CCDC73: variants seen among roughly 807,000 people sequenced by gnomAD.
The protein encoded by CCDC73 is coiled-coil domain-containing protein 73.
In CCDC73, 95 loss-of-function variants were observed where a neutral mutation model predicts 116.5. That is an observed-to-expected ratio of 0.82 (90% confidence interval 0.69 to 0.97). The LOEUF (loss-of-function observed/expected upper bound fraction) is 0.97. Among genes scored for constraint, CCDC73 ranks in the 50% least tolerant of loss-of-function variants. The probability of loss-of-function intolerance (pLI) is 0.00; values close to 1 mark genes in which losing one functional copy is unlikely to be tolerated. For synonymous variants in CCDC73, 398 were observed against 401.3 expected, an observed-to-expected ratio of 0.99 and a Z score of 0.10; for missense variants, 1,066 against 1,206.8, an observed-to-expected ratio of 0.88 and a Z score of 1.73.
chr11:32,819,322 T>C, the CCDC73 span, among the ~76,000 whole-genome samples: 1 of 152,076 alleles, frequency 6.6e-6, no homozygotes, highest in African/African-American at 2.4e-5. Flanking sequence ...AAGAATAGAC[T>C]AGGCCCAAAT....
chr11:32,713,723 T>G (rs1849921326), intron 3 of CCDC73, among the ~76,000 whole-genome samples: 1 of 152,046 alleles, frequency 6.6e-6, no homozygotes. Flanking sequence ...TGGAACTTTG[T>G]AAAAATTTTA....
At chr11:32,802,688 G>T in the CCDC73 span, among the ~76,000 whole-genome samples, 2 of 152,172 alleles carry the variant, frequency 1.3e-5, no homozygotes, top group Non-Finnish European at 1.5e-5. Context: ...AATAACTACT[G>T]CTATGGAGGA....
intron 9 of CCDC73, among the ~76,000 whole-genome samples, chr11:32,671,655 T>C (rs559834464): frequency 4.6e-4 from 70 of 152,344 alleles, no homozygotes; most frequent in Non-Finnish European, 7.9e-4. Flanking sequence ...GTACTTAGAA[T>C]GTCTACAATA....
chr11:32,821,777 G>T, the CCDC73 span, among the ~76,000 whole-genome samples: 1 of 152,198 alleles, frequency 6.6e-6, no homozygotes, highest in African/African-American at 2.4e-5. Context: ...CAGTTGCAAT[G>T]CTCCTCCTGA....
chr11:32,688,020 A>G (rs1856219119), intron 6 of CCDC73, among the ~76,000 whole-genome samples: 1 of 152,204 alleles, frequency 6.6e-6, no homozygotes, highest in Non-Finnish European at 1.5e-5. Context: ...TCCATTGTAC[A>G]AAACAGGAAA....
At chr11:32,657,473 G>C (rs992674951) in intron 9 of CCDC73, among the ~76,000 whole-genome samples, 7 of 152,120 alleles carry the variant, frequency 4.6e-5, no homozygotes, top group African/African-American at 1.7e-4. Context: ...CTTGAGCTGG[G>C]CCTTGAAGAA....
intron 2 of CCDC73, among the ~76,000 whole-genome samples, chr11:32,723,129 T>A (rs1850004186): frequency 6.6e-6 from 1 of 152,296 alleles, no homozygotes; most frequent in African/African-American, 2.4e-5. Context: ...CCATTCAAAA[T>A]CATTTTACCT....
Position 32,658,459 on chromosome 11 carries a change from A to G in CCDC73, c.646-3487T>C, listed in dbSNP as rs1386740730. On this transcript the variant is annotated intron_variant, in intron 9 of 17. Coordinates refer to ENST00000335185, the MANE Select transcript of CCDC73 (RefSeq NM_001008391.4). ...TAAAATAGAATGGAAGATGCTTGTT[A>G]AGAAGCAATAACAAACAATATTGAA... Among the ~76,000 whole-genome samples, 3 of 152,362 alleles carry G rather than the reference A, an allele frequency of 2.0e-5. No individual in the cohort carries two copies. The East Asian group carries it at 5.8e-4, about 29-fold the overall frequency.
intron 2 of CCDC73, among the ~76,000 whole-genome samples, chr11:32,733,106 A>C (rs1389568183): frequency 6.6e-6 from 1 of 152,210 alleles, no homozygotes; most frequent in Non-Finnish European, 1.5e-5. Context: ...AAAAAAAAGT[A>C]GGTGTTGCAA....
At chr11:32,627,916 C>T (rs1855591738) in intron 14 of CCDC73, among the ~76,000 whole-genome samples, 1 of 152,062 alleles carries the variant, frequency 6.6e-6, no homozygotes, top group Non-Finnish European at 1.5e-5. Flanking sequence ...CACATGTATA[C>T]ATATGTAACA....
chr11:32,732,430 A>C (rs566896024), intron 2 of CCDC73, among the ~76,000 whole-genome samples: 1 of 152,174 alleles, frequency 6.6e-6, no homozygotes, highest in East Asian at 1.9e-4. Context: ...CCACAAAGAT[A>C]CTCCTCATGA....
At chr11:32,747,731 C>T (rs1023253151) in intron 2 of CCDC73, among the ~76,000 whole-genome samples, 3 of 152,240 alleles carry the variant, frequency 2.0e-5, no homozygotes, top group Non-Finnish European at 4.4e-5. Context: ...GCAAGCAAGG[C>T]TCCATGGGCG....
intron 1 of CCDC73, among the ~76,000 whole-genome samples, chr11:32,788,455 T>C (rs1208353147): frequency 6.6e-6 from 1 of 151,738 alleles, no homozygotes; most frequent in East Asian, 1.9e-4. Flanking sequence ...CTACAGATGA[T>C]ACAAATTTGA....
chr11:32,826,358 C>T, the CCDC73 span, among the ~76,000 whole-genome samples: 1 of 152,132 alleles, frequency 6.6e-6, no homozygotes. Context: ...TGATAGTCAT[C>T]GATGTGCCTT....
Position 32,792,150 on chromosome 11 carries a change from T to A in CCDC73, c.-16+2463A>T, listed in dbSNP as rs147695494. ...CTCTAACACAATTTCCCAAAGTGTGTTCCATTAATAAGCACAGCACAAAAA... is the reference window on the plus strand; with the variant it reads ...CTCTAACACAATTTCCCAAAGTGTGATCCATTAATAAGCACAGCACAAAAA... On this transcript the variant is annotated intron_variant, in intron 1 of 17. Coordinates refer to ENST00000335185, the MANE Select transcript of CCDC73 (RefSeq NM_001008391.4). Among the ~76,000 whole-genome samples the A allele has an allele frequency of 2.9e-4, 44 of 152,230 alleles. No individual in the cohort carries two copies. The South Asian group carries it at 5.8e-3, about 20-fold the overall frequency.
intron 1 of CCDC73, among the ~76,000 whole-genome samples, chr11:32,760,734 C>T (rs192940714): frequency 2.0e-5 from 3 of 152,274 alleles, no homozygotes; most frequent in Admixed American, 2.0e-4. Context: ...TTTTTCTCAA[C>T]CCAGAAAATG....
At position 32,777,689 on chromosome 11, in the gene CCDC73, A is replaced by G. The variant is rs372689229; in HGVS notation, c.-16+16924T>C. On this transcript the variant is annotated intron_variant, in intron 1 of 17. Transcript: ENST00000335185. ...TATTACTTATAATAATATTTTAAACATTACTAATATTTTATAAGAAAGGTA... is the reference window on the plus strand; with the variant it reads ...TATTACTTATAATAATATTTTAAACGTTACTAATATTTTATAAGAAAGGTA... 9.9e-5 allele frequency among the ~76,000 whole-genome samples: 15 copies of G among 152,126 alleles called. 1 individual carries two copies. The highest frequency in any genetic ancestry group is 7.9e-4 in the Admixed American group (12 of 15,262).
At chr11:32,823,215 T>G in the CCDC73 span, among the ~76,000 whole-genome samples, 1 of 152,392 alleles carries the variant, frequency 6.6e-6, no homozygotes, top group Admixed American at 6.5e-5. Flanking sequence ...GGCTCATGCC[T>G]GTAATCCCAG....
intron 2 of CCDC73, among the ~76,000 whole-genome samples, chr11:32,719,925 A>AAGAAAT (rs1849976083): frequency 6.6e-6 from 1 of 152,096 alleles, no homozygotes; most frequent in African/African-American, 2.4e-5. Flanking sequence ...GCCTCCCAAA[A>AAGAAAT]AGAAATCTTC....
Sources: allele counts gnomAD v4.1 joint callset (sites outside exome capture counted in the v4.1 genomes callset), GRCh38; gene constraint gnomAD v4.1.1; transcripts MANE v1.5; gene names NCBI Gene and HGNC (gene_info 2026-07-23, HGNC 2026-07-21).